The following INPP4B variants were observed in gnomAD, a reference collection of about 807,000 sequenced individuals.
The protein encoded by INPP4B is inositol polyphosphate-4-phosphatase type II B, also known as inositol polyphosphate 4-phosphatase type II.
In INPP4B, 55 loss-of-function variants were observed where a neutral mutation model predicts 122.5. The observed-to-expected ratio is 0.45, with a 90% confidence interval of 0.36 to 0.56. INPP4B has a LOEUF of 0.56. Among genes scored for constraint, INPP4B ranks in the 20% least tolerant of loss-of-function variants. The probability of loss-of-function intolerance (pLI) is 0.00; values close to 1 mark genes in which losing one functional copy is unlikely to be tolerated. For missense variants in INPP4B, 1,000 were observed against 1,097.7 expected (o/e 0.91, Z 1.26); for synonymous variants, 403 against 388.7 (o/e 1.04, Z -0.43).
chr4:142,036,355 T>C lies in INPP4B; in HGVS notation c.2643-7441A>G, dbSNP rs377424495. Among the ~76,000 whole-genome samples, 14 of 152,138 alleles carry C rather than the reference T, an allele frequency of 9.2e-5. No homozygotes were observed. In the East Asian group the frequency reaches 2.1e-3, roughly 23 times the overall value. On this transcript the variant is annotated intron_variant, in intron 25 of 25. Transcript: ENST00000262992. ...CTGTCAACCAATCAATCAATCATCA[T>C]AGTATAAATATTATATGCTGATTAT...
intron 1 of INPP4B, among the ~76,000 whole-genome samples, chr4:142,823,261 T>C (rs1362865848): frequency 6.6e-6 from 1 of 152,178 alleles, no homozygotes; most frequent in Non-Finnish European, 1.5e-5. Context: ...GTGAACTTTT[T>C]GTAGTAGCAT....
intron 2 of INPP4B, among the ~76,000 whole-genome samples, chr4:142,691,323 G>A (rs1560965945): frequency 6.6e-6 from 1 of 151,320 alleles, no homozygotes; most frequent in Non-Finnish European, 1.5e-5. Context: ...GCCGACAAGG[G>A]CAAAGTTTTT....
intron 23 of INPP4B, among the ~76,000 whole-genome samples, chr4:142,105,874 T>G (rs1044114284): frequency 2.6e-5 from 4 of 152,176 alleles, no homozygotes; most frequent in African/African-American, 9.7e-5. Context: ...AGCATGATAG[T>G]TCTTTCCTTC....
chr4:142,443,567 C>G (rs1057073776), intron 3 of INPP4B, among the ~76,000 whole-genome samples: 1 of 152,054 alleles, frequency 6.6e-6, no homozygotes, highest in African/African-American at 2.4e-5. Flanking sequence ...CCAAGAACAT[C>G]GGGCCTGTCT....
rs1329869830 is a variant in INPP4B, at chr4:142,112,597, C to T, written c.2221G>A (p.Val741Met). 1.2e-6 allele frequency: 2 copies of T among 1,613,290 alleles called. No individual in the cohort carries two copies. Among genetic ancestry groups the T allele is most frequent in the East Asian group, 2.2e-5 (1 of 44,812 alleles). Residue 741 changes from valine to methionine, a missense_variant, in exon 22 of 26, where the codon GTG becomes ATG. Transcript: ENST00000262992. ...LQIKEGQLLH[V>M]YPVLFNVGIN... ...CCAACATTAAAAAGTACTGGATACA[C>T]ATGAAGCAACTGTCCTTCTTTAATC...
chr4:142,098,362 C>CA lies in INPP4B; in HGVS notation c.2374+9730dup, dbSNP rs575213760. 6.8e-4 allele frequency among the ~76,000 whole-genome samples: 102 copies of CA among 151,014 alleles called. 2 individuals carry two copies. The highest frequency in any genetic ancestry group is 1.8e-3 in the Admixed American group (27 of 15,180). On this transcript the variant is annotated intron_variant, in intron 23 of 25. Transcript: ENST00000262992. ...AACAAACAAACAACAACAACAACAA[C>CA]AAAAAAAAAACTAACAACATTGGGG...
intron 7 of INPP4B, among the ~76,000 whole-genome samples, chr4:142,321,311 T>C (rs1769931398): frequency 6.6e-6 from 1 of 152,184 alleles, no homozygotes; most frequent in Non-Finnish European, 1.5e-5. Context: ...TTTGATGGAA[T>C]TATTTGCTTT....
intron 23 of INPP4B, among the ~76,000 whole-genome samples, chr4:142,097,809 C>T (rs1782640645): frequency 6.6e-6 from 1 of 152,156 alleles, no homozygotes; most frequent in Non-Finnish European, 1.5e-5. Context: ...TCTTCATTAA[C>T]TATTTCCAAG....
chr4:142,361,857 A>T (rs1207758896), intron 7 of INPP4B, among the ~76,000 whole-genome samples: 1 of 151,916 alleles, frequency 6.6e-6, no homozygotes, highest in Non-Finnish European at 1.5e-5. Context: ...ATTATCAAAC[A>T]TTATAAATAA....
intron 25 of INPP4B, among the ~76,000 whole-genome samples, chr4:142,053,004 A>G (rs1401279556): frequency 1.3e-5 from 2 of 152,208 alleles, no homozygotes; most frequent in South Asian, 2.1e-4. Context: ...TAAAACATCA[A>G]TCTCATGATG....
chr4:142,562,665 G>T (rs1428543364), intron 2 of INPP4B, among the ~76,000 whole-genome samples: 1 of 150,442 alleles, frequency 6.6e-6, no homozygotes, highest in Non-Finnish European at 1.5e-5. Context: ...TTGTGTTAAA[G>T]AAAACAAAAG....
intron 21 of INPP4B, among the ~76,000 whole-genome samples, chr4:142,117,389 T>G (rs1042843271): frequency 1.3e-5 from 2 of 152,144 alleles, no homozygotes; most frequent in Admixed American, 1.3e-4. Flanking sequence ...ATATCTCTGA[T>G]GAACATTGAT....
At chr4:142,223,375 G>C (rs7672890) in intron 12 of INPP4B, among the ~76,000 whole-genome samples, 8,770 of 152,154 alleles carry the variant, frequency 0.058, 862 homozygotes, top group African/African-American at 0.2. Context: ...TATGTGCCAA[G>C]TAGTAGATAT....
chr4:142,131,911 C>T (rs546234722), intron 18 of INPP4B, among the ~76,000 whole-genome samples: 3 of 151,436 alleles, frequency 2.0e-5, no homozygotes, highest in East Asian at 3.9e-4. Flanking sequence ...GCCAAGATTG[C>T]ACCATTGCAC....
At chr4:142,441,393 A>C (rs779089377) in intron 3 of INPP4B, among the ~76,000 whole-genome samples, 13 of 152,316 alleles carry the variant, frequency 8.5e-5, no homozygotes, top group Non-Finnish European at 1.3e-4. Flanking sequence ...GAGAAAGATC[A>C]TGCTACCTAG....
At chr4:142,157,407 G>T (rs973146390) in intron 17 of INPP4B, among the ~76,000 whole-genome samples, 1 of 152,118 alleles carries the variant, frequency 6.6e-6, no homozygotes, top group African/African-American at 2.4e-5. Context: ...TTTGCAAAAA[G>T]AGTAAAATTA....
chr4:142,542,925 C>G (rs576641589), intron 2 of INPP4B, among the ~76,000 whole-genome samples: 7 of 151,838 alleles, frequency 4.6e-5, no homozygotes, highest in African/African-American at 1.7e-4. Context: ...CAACATCAAC[C>G]GGTTTGATCA....
chr4:142,323,348 G>A (rs899413482), intron 7 of INPP4B, among the ~76,000 whole-genome samples: 2 of 151,936 alleles, frequency 1.3e-5, no homozygotes, highest in African/African-American at 2.4e-5. Context: ...TTGGAAGAAT[G>A]CTCATGAGTG....
In INPP4B at chr4:142,124,523, T is replaced by C. The variant is rs1797889981; in HGVS notation, c.1893+65A>G. On this transcript the variant is annotated intron_variant, in intron 19 of 25. Transcript: ENST00000262992. Reference sequence around the variant, plus strand: ...GCTGTCCCAATAAGAATTCTATTCATCATCAAGGATAGGATGTTAACAATC... The same window carrying C: ...GCTGTCCCAATAAGAATTCTATTCACCATCAAGGATAGGATGTTAACAATC... 5 of 1,384,014 alleles carry C rather than the reference T, an allele frequency of 3.6e-6. No individual in the cohort carries two copies. In the South Asian group the frequency reaches 3.6e-5, roughly 10 times the overall value. 85.7% of individuals were successfully genotyped at this position (1,384,014 alleles called of 1,614,324 possible).
Sources: gnomAD v4.1 joint callset for allele counts (sites outside exome capture counted in the v4.1 genomes callset) on GRCh38, gnomAD v4.1.1 for gene constraint, MANE v1.5 for transcripts, NCBI Gene and HGNC (gene_info 2026-07-23, HGNC 2026-07-21) for gene names.